IKZF2: variants seen among roughly 807,000 people sequenced by gnomAD.
The protein encoded by IKZF2 is zinc finger protein Helios.
In IKZF2, 15 loss-of-function variants were observed where a neutral mutation model predicts 49.2. The ratio of observed to expected loss-of-function variants is 0.30; its 90% CI spans 0.20 to 0.47. The LOEUF (loss-of-function observed/expected upper bound fraction) is 0.47, where lower values mean the gene tolerates loss of function less well. IKZF2 is among the 20% of genes least tolerant of loss of function. The pLI is 1.00. For synonymous variants in IKZF2, 227 were observed against 221.4 expected (o/e 1.03, Z -0.23); for missense variants, 567 against 664.6 (o/e 0.85, Z 1.61).
chr2:213,094,310 T>G (rs1211930558), intron 4 of IKZF2, among the ~76,000 whole-genome samples: 3 of 152,118 alleles, frequency 2.0e-5, no homozygotes, highest in African/African-American at 2.4e-5. Context: ...ATAACAGCTA[T>G]GAAGCTTGGA....
intron 4 of IKZF2, among the ~76,000 whole-genome samples, chr2:213,115,329 TCTC>T (rs2059836157): frequency 6.6e-6 from 1 of 152,126 alleles, no homozygotes; most frequent in Non-Finnish European, 1.5e-5. Flanking sequence ...ACAACACTAG[TCTC>T]CTCCTGAATA....
chr2:213,052,168 A>G (rs1700732576), intron 5 of IKZF2, among the ~76,000 whole-genome samples: 1 of 152,022 alleles, frequency 6.6e-6, no homozygotes, highest in South Asian at 2.1e-4. Flanking sequence ...TTAATAAGAA[A>G]TTACTTCTGA....
At chr2:213,089,064 A>G (rs772096032) in intron 4 of IKZF2, among the ~76,000 whole-genome samples, 1 of 152,188 alleles carries the variant, frequency 6.6e-6, no homozygotes, top group South Asian at 2.1e-4. Context: ...ATTAAGACTC[A>G]TCTTGATTTG....
intron 4 of IKZF2, among the ~76,000 whole-genome samples, chr2:213,078,365 A>C (rs1703516441): frequency 6.6e-6 from 1 of 152,242 alleles, no homozygotes; most frequent in African/African-American, 2.4e-5. Flanking sequence ...AAACAAAATC[A>C]GTATCCTACA....
At chr2:213,020,136 T>TA (rs1697047380) in intron 7 of IKZF2, among the ~76,000 whole-genome samples, 1 of 152,112 alleles carries the variant, frequency 6.6e-6, no homozygotes, top group South Asian at 2.1e-4. Flanking sequence ...AGCAATGCCA[T>TA]AAGGTGTTTT....
At chr2:213,077,613 A>C (rs1162061396) in intron 4 of IKZF2, among the ~76,000 whole-genome samples, 1 of 108,082 alleles carries the variant, frequency 9.3e-6, no homozygotes, top group Non-Finnish European at 1.7e-5. Context: ...TTTGAGACAG[A>C]GTCTTGCTCT....
At chr2:213,123,941 G>GA (rs5838367) in intron 4 of IKZF2, among the ~76,000 whole-genome samples, 144,017 of 148,680 alleles carry the variant, frequency 0.97, 69,883 homozygotes, top group East Asian at 1. Context: ...GAGTCTTAGT[G>GA]AAAAAAAAAA....
At chr2:213,063,884 C>G (rs958687996) in intron 4 of IKZF2, among the ~76,000 whole-genome samples, 9 of 151,974 alleles carry the variant, frequency 5.9e-5, no homozygotes, top group African/African-American at 1.7e-4. Context: ...AGCTGTAAAA[C>G]TATGTCCACC....
chr2:213,091,931 C>G (rs75908280), intron 4 of IKZF2, among the ~76,000 whole-genome samples: 13,398 of 150,510 alleles, frequency 0.089, 1,061 homozygotes, highest in African/African-American at 0.22. Flanking sequence ...TGTGTGTACT[C>G]ATACTATTTT....
rs1438907604 is a variant in IKZF2, at chr2:213,002,217, T to G, written c.*5143A>C. The G allele has an allele frequency of 6.6e-6, 1 of 151,488 alleles. No individual in the cohort carries two copies. The highest frequency in any genetic ancestry group is 2.4e-5 in the African/African-American group (1 of 41,372). 9.4% of individuals were successfully genotyped at this position (151,488 alleles called of 1,614,324 possible). A position where few individuals can be genotyped will look rare whatever the true frequency, so the allele number is the denominator to read the frequency against. ...AAAACTAGTCATTCATGTACCACTCTCTGTATGGGATAAAGGTTAATACAC... is the reference window on the plus strand; with the variant it reads ...AAAACTAGTCATTCATGTACCACTCGCTGTATGGGATAAAGGTTAATACAC... On this transcript the variant is annotated 3_prime_UTR_variant, in exon 9 of 9. Coordinates refer to ENST00000434687, the MANE Select transcript of IKZF2 (RefSeq NM_001387220.1).
Position 213,001,573 on chromosome 2 carries a change from G to C in IKZF2, c.*5787C>G, listed in dbSNP as rs1694907821. On this transcript the variant is annotated 3_prime_UTR_variant, in exon 9 of 9. Transcript: ENST00000434687. ...CTTTTTAATAGAAAACTACACTTGA[G>C]TATAAAAATACGTCAGCAGATTATA... 6.6e-6 allele frequency: 1 copy of C among 151,158 alleles called. No homozygotes were observed. Among genetic ancestry groups the C allele is most frequent in the African/African-American group, 2.4e-5 (1 of 41,274 alleles). 9.4% of individuals were successfully genotyped at this position (151,158 alleles called of 1,614,324 possible).
intron 8 of IKZF2, among the ~76,000 whole-genome samples, chr2:213,010,140 A>G (rs1574467805): frequency 6.6e-6 from 1 of 152,092 alleles, no homozygotes; most frequent in Non-Finnish European, 1.5e-5. Flanking sequence ...GATAGAAAAG[A>G]TGATGAATTC....
At chr2:213,027,426 C>G (rs1317852690) in intron 6 of IKZF2, among the ~76,000 whole-genome samples, 1 of 152,066 alleles carries the variant, frequency 6.6e-6, no homozygotes, top group Admixed American at 6.6e-5. Context: ...GTTTCTGTAT[C>G]CAGTGCCACT....
At chr2:213,070,223 T>C (rs753858704) in intron 4 of IKZF2, among the ~76,000 whole-genome samples, 4 of 152,112 alleles carry the variant, frequency 2.6e-5, no homozygotes, top group African/African-American at 9.7e-5. Context: ...TTTCAAATAA[T>C]ATGGAAAACA....
rs1439026127 is a variant in IKZF2 at position 213,084,281 on chromosome 2, C to T, written c.140-27182G>A. Reference sequence around the variant, plus strand: ...CTGGCTTAGAAATTTGAGATAATAACTTTCCAGGGAAGTTTTAAGGAGTAA... The same window carrying T: ...CTGGCTTAGAAATTTGAGATAATAATTTTCCAGGGAAGTTTTAAGGAGTAA... On this transcript the variant is annotated intron_variant, in intron 4 of 8. Transcript: ENST00000434687. Among the ~76,000 whole-genome samples the T allele has an allele frequency of 1.7e-4, 26 of 152,152 alleles. 1 individual carries two copies. The highest frequency in any genetic ancestry group is 1.7e-3 in the Admixed American group (26 of 15,264).
chr2:213,094,904 G>C (rs1705794687), intron 4 of IKZF2, among the ~76,000 whole-genome samples: 1 of 152,124 alleles, frequency 6.6e-6, no homozygotes, highest in Admixed American at 6.6e-5. Flanking sequence ...AAGATTTCAA[G>C]TCTGAAGAAC....
chr2:213,022,155 G>C (rs375608695), intron 6 of IKZF2, 25 bp from the exon 7 acceptor site: 2 of 1,572,148 alleles, frequency 1.3e-6, no homozygotes, highest in African/African-American at 2.7e-5. Context: ...CAAGGTCAGT[G>C]TGCTGTTAGT....
chr2:213,021,561 T>C, intron 7 of IKZF2: 1 of 335,740 alleles, frequency 3.0e-6, no homozygotes, highest in Non-Finnish European at 5.7e-6. Flanking sequence ...GTTTTGCACA[T>C]TGTAGAAAGC....
rs192325899 is a variant in IKZF2, at chr2:213,071,284, C to T, written c.140-14185G>A. On this transcript the variant is annotated intron_variant, in intron 4 of 8. Coordinates refer to ENST00000434687, the MANE Select transcript of IKZF2 (RefSeq NM_001387220.1). Reference sequence around the variant, plus strand: ...ATTAGTAACTGATATCTGAATATTACGGAATAAAAATATACAACATTTAAA... The same window carrying T: ...ATTAGTAACTGATATCTGAATATTATGGAATAAAAATATACAACATTTAAA... Among the ~76,000 whole-genome samples, 137 of 151,602 alleles carry T rather than the reference C, an allele frequency of 9.0e-4. 1 individual carries two copies. The highest frequency in any genetic ancestry group is 3.0e-3 in the African/African-American group (124 of 41,288).
Sources: allele counts gnomAD v4.1 joint callset (sites outside exome capture counted in the v4.1 genomes callset), GRCh38; gene constraint gnomAD v4.1.1; transcripts MANE v1.5; gene names NCBI Gene and HGNC (gene_info 2026-07-23, HGNC 2026-07-21).